ADAMTS6: variants seen among roughly 807,000 people sequenced by gnomAD.
The protein encoded by ADAMTS6 is ADAM metallopeptidase with thrombospondin type 1 motif 6, also known as A disintegrin and metalloproteinase with thrombospondin motifs 6.
Under a neutral mutation model 144.3 loss-of-function variants are expected in ADAMTS6, and 23 were observed. The ratio of observed to expected loss-of-function variants is 0.16; its 90% CI spans 0.11 to 0.23. The LOEUF (loss-of-function observed/expected upper bound fraction) is 0.23. ADAMTS6 is among the 10% of genes least tolerant of loss of function. ADAMTS6 has a pLI of 1.00. For missense variants in ADAMTS6, 999 were observed against 1,379.6 expected (o/e 0.72, Z 4.37); for synonymous variants, 444 against 457.5 (o/e 0.97, Z 0.38).
intron 7 of ADAMTS6, among the ~76,000 whole-genome samples, chr5:65,369,762 T>C (rs1191114229): frequency 1.3e-5 from 2 of 152,174 alleles, no homozygotes; most frequent in Admixed American, 6.5e-5. Context: ...GCAACCTATA[T>C]GAATATGAGC....
intron 18 of ADAMTS6, among the ~76,000 whole-genome samples, chr5:65,220,397 G>C (rs1757235161): frequency 6.6e-6 from 1 of 152,154 alleles, no homozygotes; most frequent in African/African-American, 2.4e-5. Context: ...TGAGAAGCTA[G>C]AAAAAATAAG....
chr5:65,193,072 C>T (rs1755115633), intron 21 of ADAMTS6, among the ~76,000 whole-genome samples: 1 of 151,680 alleles, frequency 6.6e-6, no homozygotes, highest in African/African-American at 2.4e-5. Context: ...AGTATAGATC[C>T]CTTCCTCAAA....
chr5:65,181,002 C>G (rs1754314840), intron 22 of ADAMTS6, among the ~76,000 whole-genome samples: 2 of 152,112 alleles, frequency 1.3e-5, no homozygotes, highest in South Asian at 4.1e-4. Flanking sequence ...TTATATAGTC[C>G]TTACAACTCT....
intron 7 of ADAMTS6, among the ~76,000 whole-genome samples, chr5:65,412,831 A>G (rs1260296489): frequency 1.3e-5 from 2 of 152,158 alleles, no homozygotes; most frequent in African/African-American, 4.8e-5. Context: ...TGAAAACCAT[A>G]ACTAATTCAA....
At position 65,172,658 on chromosome 5, in the gene ADAMTS6, G is replaced by A. The variant is rs1001059246; in HGVS notation, c.3087+174C>T. ...AGAATCACTGGCTCACTCTGTATGT[G>A]TCCACATGTGGTGGCTGTGGTTTGT... On this transcript the variant is annotated intron_variant, in intron 23 of 24. Transcript: ENST00000381055. Among the ~76,000 whole-genome samples, 4 of 152,106 alleles carry A rather than the reference G, an allele frequency of 2.6e-5. No homozygotes were observed. In the East Asian group the frequency reaches 5.8e-4, roughly 22 times the overall value.
rs1005687846 is a variant in ADAMTS6 at position 65,358,599 on chromosome 5, A to C, written c.1074-24514T>G. Reference sequence around the variant, plus strand: ...ACCTTGAATAAAAAGAACAAAGCTGAAGGCATCGCACTACCTCATTCAAAA... The same window carrying C: ...ACCTTGAATAAAAAGAACAAAGCTGCAGGCATCGCACTACCTCATTCAAAA... On this transcript the variant is annotated intron_variant, in intron 7 of 24. Transcript: ENST00000381055. 9.2e-5 allele frequency among the ~76,000 whole-genome samples: 14 copies of C among 152,188 alleles called. No homozygotes were observed. The East Asian group carries it at 2.3e-3, about 25-fold the overall frequency.
intron 5 of ADAMTS6, 83 bp from the exon 6 acceptor site, chr5:65,452,299 T>C (rs1758812319): frequency 8.2e-7 from 1 of 1,215,384 alleles, no homozygotes; most frequent in Non-Finnish European, 1.2e-6. Context: ...GCTAAAACAA[T>C]TTTTTATAAA....
At chr5:65,191,217 G>C (rs1755000510) in intron 21 of ADAMTS6, among the ~76,000 whole-genome samples, 1 of 152,034 alleles carries the variant, frequency 6.6e-6, no homozygotes, top group African/African-American at 2.4e-5. Context: ...TCATGTTCGA[G>C]TGTCTGAAAT....
In ADAMTS6 at chr5:65,242,193, C is replaced by T; in HGVS notation, c.1844G>A (p.Gly615Asp). Residue 615 changes from glycine to aspartate, a missense_variant, in exon 15 of 25, where the codon GGT becomes GAT. By Grantham distance (94) the Gly-to-Asp change is moderately conservative. This residue lies in a region of ADAMTS6 where 619 missense variants were observed against 837.0 expected (regional missense o/e 0.74). Transcript: ENST00000381055. ...RSCNTDPCPLGSRDFREKQCA... is the reference protein window; with the variant it reads ...RSCNTDPCPLDSRDFREKQCA... ...CTGTTTCTCTCGAAAATCTCGGGAA[C>T]CCAAAGGGCATGGCTAAAATAAAAT... 6.3e-7 allele frequency: 1 copy of T among 1,594,398 alleles called. No individual in the cohort carries two copies. The highest frequency in any genetic ancestry group is 8.6e-7 in the Non-Finnish European group (1 of 1,168,064).
At chr5:65,379,820 G>A (rs534709104) in intron 7 of ADAMTS6, among the ~76,000 whole-genome samples, 13 of 151,944 alleles carry the variant, frequency 8.6e-5, no homozygotes, top group Non-Finnish European at 1.8e-4. Context: ...TCACACGTAT[G>A]CATGTGTGTT....
chr5:65,288,421 G>T (rs952053083), intron 11 of ADAMTS6, among the ~76,000 whole-genome samples: 43 of 151,548 alleles, frequency 2.8e-4, no homozygotes, highest in African/African-American at 9.9e-4. Flanking sequence ...CCGGGTTCAA[G>T]TGATTCTCCT....
At chr5:65,275,363 GAAAGAA>G (rs1409527992) in intron 11 of ADAMTS6, among the ~76,000 whole-genome samples, 14 of 63,948 alleles carry the variant, frequency 2.2e-4, no homozygotes, top group Non-Finnish European at 3.4e-4. Flanking sequence ...GAGAAAGAAA[GAAAGAA>G]AGAAAGAAAG....
intron 7 of ADAMTS6, among the ~76,000 whole-genome samples, chr5:65,420,129 G>A (rs1174308248): frequency 6.6e-6 from 1 of 152,084 alleles, no homozygotes. Context: ...GCCAAGCAAA[G>A]GGTGAAAAGC....
At chr5:65,183,792 A>T (rs1013941307) in intron 22 of ADAMTS6, among the ~76,000 whole-genome samples, 2 of 152,200 alleles carry the variant, frequency 1.3e-5, no homozygotes, top group Non-Finnish European at 2.9e-5. Flanking sequence ...ATTAGCCTAT[A>T]CCCATGCAAA....
Position 65,396,530 on chromosome 5 carries a change from C to A in ADAMTS6, c.1073+54945G>T, listed in dbSNP as rs10471657. ...CTGTCAAACCATCACCTCTTTCCCACTCCAACCCTCTGGCTACCTCTCCAG... is the reference window on the plus strand; with the variant it reads ...CTGTCAAACCATCACCTCTTTCCCAATCCAACCCTCTGGCTACCTCTCCAG... On this transcript the variant is annotated intron_variant, in intron 7 of 24. Coordinates refer to ENST00000381055, the MANE Select transcript of ADAMTS6 (RefSeq NM_197941.4). Among the ~76,000 whole-genome samples the A allele has an allele frequency of 5.2e-3, 789 of 152,288 alleles. 8 individuals carry two copies. The highest frequency in any genetic ancestry group is 0.019 in the African/African-American group (769 of 41,560).
chr5:65,346,382 G>C (rs573730934), intron 7 of ADAMTS6, among the ~76,000 whole-genome samples: 34 of 151,940 alleles, frequency 2.2e-4, no homozygotes, highest in African/African-American at 8.2e-4. Context: ...AAAATCATAT[G>C]ATCATCTCAA....
At chr5:65,245,164 G>A (rs990005149) in intron 14 of ADAMTS6, among the ~76,000 whole-genome samples, 1 of 152,072 alleles carries the variant, frequency 6.6e-6, no homozygotes, top group Non-Finnish European at 1.5e-5. Context: ...TAGCAGCTAC[G>A]CAGGTGTCCT....
intron 22 of ADAMTS6, among the ~76,000 whole-genome samples, chr5:65,181,273 G>T (rs1414704488): frequency 1.3e-5 from 2 of 152,180 alleles, no homozygotes; most frequent in African/African-American, 4.8e-5. Context: ...CTTTGAGCTT[G>T]CCTCACTTGT....
At chr5:65,444,445 A>G (rs544762176) in intron 7 of ADAMTS6, among the ~76,000 whole-genome samples, 1 of 152,352 alleles carries the variant, frequency 6.6e-6, no homozygotes, top group African/African-American at 2.4e-5. Context: ...TATCTATTGC[A>G]TTTTTATATA....
Sources: gnomAD v4.1 joint callset for allele counts (sites outside exome capture counted in the v4.1 genomes callset) on GRCh38, gnomAD v4.1.1 for gene constraint, gnomAD v4.1.1 regional missense constraint, MANE v1.5 for transcripts, NCBI Gene and HGNC (gene_info 2026-07-23, HGNC 2026-07-21) for gene names.